DISC1: variants seen among roughly 807,000 people sequenced by gnomAD.
The protein encoded by DISC1 is disrupted in schizophrenia 1 protein.
In DISC1, 57 loss-of-function variants were observed where a neutral mutation model predicts 84.5. The observed-to-expected ratio is 0.67, with a 90% CI of 0.55 to 0.84. The LOEUF (loss-of-function observed/expected upper bound fraction) is 0.84. DISC1 is among the 40% of genes least tolerant of loss of function. The probability of loss-of-function intolerance (pLI) is 0.00; values close to 1 mark genes in which losing one functional copy is unlikely to be tolerated. For synonymous variants in DISC1, 411 were observed against 415.2 expected (o/e 0.99, Z 0.12); for missense variants, 1,000 against 1,057.8 (o/e 0.95, Z 0.76).
rs201559788 is a variant in DISC1, at chr1:231,675,851, C to CT, written c.68-17959dup. 0.18 allele frequency among the ~76,000 whole-genome samples: 24,670 copies of CT among 137,606 alleles called. 2,872 individuals carry two copies. The highest frequency in any genetic ancestry group is 0.49 in the East Asian group (2,323 of 4,754). The allele number at this position is 137,606 out of a possible 152,430, so 90.3% of individuals were successfully genotyped here. Reference sequence around the variant, plus strand: ...GTATATTGTATTTGTTTTTTCTTTTCTTTTTTTTTTTTTTTTGACACAGAA... The same window carrying CT: ...GTATATTGTATTTGTTTTTTCTTTTCTTTTTTTTTTTTTTTTTGACACAGAA... On this transcript the variant is annotated intron_variant, in intron 1 of 12. Transcript: ENST00000439617. The surrounding 1 kb of genome is among the most constrained non-coding windows in gnomAD (Gnocchi z 4.1).
At chr1:231,912,374 TCTGTTTGTTTGTTTTC>T (rs1488847256) in intron 9 of DISC1, among the ~76,000 whole-genome samples, 2 of 152,240 alleles carry the variant, frequency 1.3e-5, no homozygotes, top group African/African-American at 4.8e-5. Flanking sequence ...GGATGTCCTT[TCTGTTTGTTTGTTTTC>T]CTTCTAACAG....
chr1:231,765,211 A>AAAAC (rs1374645704), intron 4 of DISC1, among the ~76,000 whole-genome samples: 1 of 151,660 alleles, frequency 6.6e-6, no homozygotes, highest in Non-Finnish European at 1.5e-5. Flanking sequence ...AAAAAAAAAA[A>AAAAC]AAAAAAAACT....
At chr1:232,028,500 A>G (rs199502444) in intron 12 of DISC1, among the ~76,000 whole-genome samples, 1 of 152,200 alleles carries the variant, frequency 6.6e-6, no homozygotes, top group South Asian at 2.1e-4. Context: ...AGATCCTTTT[A>G]GTTTTTCCAC....
chr1:231,637,653 T>C (rs756060305), intron 1 of DISC1, among the ~76,000 whole-genome samples: 4 of 151,948 alleles, frequency 2.6e-5, no homozygotes, highest in East Asian at 1.9e-4. Context: ...GTTCCATCGA[T>C]GTTGTTGGAA....
At chr1:232,027,355 AT>A (rs1273461869) in intron 12 of DISC1, among the ~76,000 whole-genome samples, 1 of 152,216 alleles carries the variant, frequency 6.6e-6, no homozygotes, top group Non-Finnish European at 1.5e-5. Flanking sequence ...GTTGAACTCA[AT>A]TTAGTCCTTT....
chr1:231,869,318 A>G (rs543774098), intron 9 of DISC1, among the ~76,000 whole-genome samples: 47 of 152,270 alleles, frequency 3.1e-4, no homozygotes, highest in African/African-American at 1.1e-3. Flanking sequence ...TTGAGTGTGA[A>G]GTGCAAAAAG....
At chr1:232,019,784 G>T (rs181918038) in intron 11 of DISC1, among the ~76,000 whole-genome samples, 2,310 of 152,144 alleles carry the variant, frequency 0.015, 63 homozygotes, top group African/African-American at 0.052. Context: ...GCTTTTCTCT[G>T]CTTCCAGCCT....
intron 1 of DISC1, among the ~76,000 whole-genome samples, chr1:231,688,282 T>A (rs1388750567): frequency 6.6e-6 from 1 of 152,174 alleles, no homozygotes; most frequent in Non-Finnish European, 1.5e-5. Flanking sequence ...GGTTTGCTAC[T>A]CTATTTCTAG....
At chr1:231,999,448 C>T (rs767931618) in intron 10 of DISC1, among the ~76,000 whole-genome samples, 13 of 152,136 alleles carry the variant, frequency 8.5e-5, no homozygotes, top group Non-Finnish European at 1.6e-4. Context: ...GATTTGGAGC[C>T]CTGCTAACAA....
intron 4 of DISC1, among the ~76,000 whole-genome samples, chr1:231,759,658 A>G (rs919412454): frequency 1.3e-5 from 2 of 151,992 alleles, no homozygotes; most frequent in African/African-American, 4.8e-5. Flanking sequence ...GCAAGCTATG[A>G]TTACACCACT....
At chr1:231,740,685 G>A (rs1421511714) in intron 3 of DISC1, among the ~76,000 whole-genome samples, 1 of 152,184 alleles carries the variant, frequency 6.6e-6, no homozygotes, top group African/African-American at 2.4e-5. Flanking sequence ...TAGAGTATTT[G>A]CACATATATA....
intron 1 of DISC1, among the ~76,000 whole-genome samples, chr1:231,667,408 G>C (rs929701536): frequency 6.6e-6 from 1 of 152,166 alleles, no homozygotes; most frequent in African/African-American, 2.4e-5. Context: ...AAGCTGCAGG[G>C]CAGTGCTTTC....
intron 3 of DISC1, chr1:231,702,631 A>T: frequency 1.0e-6 from 1 of 982,606 alleles, no homozygotes; most frequent in Non-Finnish European, 1.2e-6. Context: ...ATCTGAGGCC[A>T]GGAAAACAAA....
intron 9 of DISC1, among the ~76,000 whole-genome samples, chr1:231,851,493 C>T (rs1293393823): frequency 1.3e-5 from 2 of 152,216 alleles, no homozygotes; most frequent in African/African-American, 2.4e-5. Context: ...AACCCAGGCT[C>T]AGGCCTACAT....
chr1:231,798,125 A>ACACACACACACACT (rs2078912311), intron 7 of DISC1, among the ~76,000 whole-genome samples: 1 of 151,274 alleles, frequency 6.6e-6, no homozygotes, highest in South Asian at 2.1e-4. Flanking sequence ...ACACACACAC[A>ACACACACACACACT]CACACACACA....
chr1:232,004,243 T>C (rs1253517724), intron 10 of DISC1, among the ~76,000 whole-genome samples: 1 of 151,528 alleles, frequency 6.6e-6, no homozygotes, highest in Non-Finnish European at 1.5e-5. Context: ...AACAAATCAA[T>C]GAAATAGTGA....
intron 4 of DISC1, among the ~76,000 whole-genome samples, chr1:231,756,516 C>CGA (rs60818301): frequency 0.018 from 2,430 of 133,460 alleles, 55 homozygotes; most frequent in Middle Eastern, 0.04. Flanking sequence ...ATGTGAATAT[C>CGA]GAGAGAGAGA....
intron 1 of DISC1, among the ~76,000 whole-genome samples, chr1:231,673,505 A>G (rs2062825699): frequency 6.6e-6 from 1 of 152,060 alleles, no homozygotes. Flanking sequence ...CTTCTTGGCT[A>G]TTTTTAACTC....
chr1:231,654,117 T>G (rs193158849), intron 1 of DISC1, among the ~76,000 whole-genome samples: 5 of 152,316 alleles, frequency 3.3e-5, no homozygotes, highest in African/African-American at 1.2e-4. Context: ...TTCTTGCACT[T>G]TATTCTCAAT....
Sources: allele counts gnomAD v4.1 joint callset (sites outside exome capture counted in the v4.1 genomes callset), GRCh38; gene constraint gnomAD v4.1.1; non-coding constraint Gnocchi (gnomAD v3.1); transcripts MANE v1.5; gene names NCBI Gene and HGNC (gene_info 2026-07-23, HGNC 2026-07-21).